Variants in SLIT2 observed in about 807,000 individuals in gnomAD.
SLIT2 encodes the protein slit homolog 2 protein.
Under a neutral mutation model 185.7 loss-of-function variants are expected in SLIT2, and 41 were observed. That is an observed-to-expected ratio of 0.22 (90% CI 0.17 to 0.29). The LOEUF is 0.29. SLIT2 is among the 10% of genes least tolerant of loss of function. The pLI, the probability that SLIT2 is intolerant of heterozygous loss-of-function variation, is 1.00. For missense variants in SLIT2, 1,571 were observed against 1,909.0 expected (o/e 0.82, Z 3.30); for synonymous variants, 693 against 680.2 (o/e 1.02, Z -0.29).
In SLIT2 at chr4:20,568,896, A is replaced by C. The variant is rs1725324099; in HGVS notation, c.2980A>C (p.Asn994His). The change falls in exon 29 of 37, where the codon AAT (asparagine) becomes CAT (histidine). Residue 994 changes from asparagine to histidine, a missense_variant. Around this residue, in one of 3 missense-constraint regions of SLIT2, gnomAD observed 1,202 missense variants for 1,416.4 expected, o/e 0.85. Transcript: ENST00000504154. ...TTGTGCTGATGGATTTGAAGGAGAA[A>C]ATTGTGAAGTCAACGTTGATGATTG... ...CICADGFEGE[N>H]CEVNVDDCED... The C allele has an allele frequency of 6.2e-7, 1 of 1,612,264 alleles. No homozygotes were observed. The highest frequency in any genetic ancestry group is 8.5e-7 in the Non-Finnish European group (1 of 1,178,766).
intron 6 of SLIT2, among the ~76,000 whole-genome samples, chr4:20,485,454 G>A (rs1298992789): frequency 1.3e-5 from 2 of 152,112 alleles, no homozygotes; most frequent in Non-Finnish European, 2.9e-5. Flanking sequence ...TGGGGGAAAA[G>A]TAAGGATGTT....
chr4:20,387,570 T>C (rs1560377804), intron 4 of SLIT2, among the ~76,000 whole-genome samples: 1 of 152,106 alleles, frequency 6.6e-6, no homozygotes, highest in Non-Finnish European at 1.5e-5. Flanking sequence ...ATTAGAAAGC[T>C]AATGGAGAAA....
At chr4:20,477,464 G>T (rs1052244241) in intron 5 of SLIT2, among the ~76,000 whole-genome samples, 10 of 152,164 alleles carry the variant, frequency 6.6e-5, no homozygotes, top group African/African-American at 1.9e-4. Context: ...CTCCCAAGGT[G>T]CTGGGATTAC....
chr4:20,456,889 C>T (rs937390502), intron 4 of SLIT2, among the ~76,000 whole-genome samples: 1 of 152,040 alleles, frequency 6.6e-6, no homozygotes, highest in African/African-American at 2.4e-5. Context: ...TTTATATTAA[C>T]TTACATTAAC....
rs1250699111 is a variant in SLIT2 at position 20,254,028 on chromosome 4, A to C, written c.179+34A>C. The C allele has an allele frequency of 1.3e-6, 2 of 1,577,618 alleles. No individual in the cohort carries two copies. The highest frequency in any genetic ancestry group is 1.7e-6 in the Non-Finnish European group (2 of 1,163,614). On this transcript the variant is annotated intron_variant, in intron 1 of 36. Transcript: ENST00000504154. The surrounding 1 kb of genome is among the most constrained non-coding windows in gnomAD (Gnocchi z 5.1). ...GCGCTCTTCGTCTTCCCCTCTCCCC[A>C]TCCGGGCCGCGCACCCCTGCCTCCA...
At chr4:20,513,639 T>C (rs1577827547) in intron 11 of SLIT2, among the ~76,000 whole-genome samples, 1 of 152,216 alleles carries the variant, frequency 6.6e-6, no homozygotes, top group East Asian at 1.9e-4. Context: ...ATGTATAGTA[T>C]ACATAAAATT....
In SLIT2 at chr4:20,617,662, C is replaced by T; in HGVS notation, c.4348+12C>T. 1 of 1,597,928 alleles carries T rather than the reference C, an allele frequency of 6.3e-7. No individual in the cohort carries two copies. Among genetic ancestry groups the T allele is most frequent in the African/African-American group, 1.3e-5 (1 of 74,622 alleles). On this transcript the variant is annotated intron_variant, in intron 36 of 36. Transcript: ENST00000504154. ...CAGCTGTGATCGAGGTAAGCCAGCC[C>T]CACTGGGCACCTCATTCTCTTGGCA...
chr4:20,342,506 AC>A (rs1553883084), intron 4 of SLIT2, among the ~76,000 whole-genome samples: 2 of 152,044 alleles, frequency 1.3e-5, no homozygotes, highest in South Asian at 2.1e-4. Context: ...AATTTGACTC[AC>A]GCTATTTCTA....
chr4:20,329,301 A>G (rs917114173), intron 4 of SLIT2, among the ~76,000 whole-genome samples: 10 of 152,082 alleles, frequency 6.6e-5, no homozygotes, highest in Admixed American at 3.9e-4. Flanking sequence ...TTATAACTTA[A>G]TTATTATAAT....
chr4:20,354,790 A>G (rs1722167963), intron 4 of SLIT2, among the ~76,000 whole-genome samples: 1 of 151,928 alleles, frequency 6.6e-6, no homozygotes, highest in Non-Finnish European at 1.5e-5. Context: ...ATATATTGTC[A>G]CCATCTGCTG....
intron 9 of SLIT2, among the ~76,000 whole-genome samples, chr4:20,494,666 C>T (rs1718069354): frequency 6.6e-6 from 1 of 151,742 alleles, no homozygotes; most frequent in Non-Finnish European, 1.5e-5. Flanking sequence ...GTAGTCTCAT[C>T]TACTCGGGAG....
At chr4:20,315,347 G>A (rs952253408) in intron 4 of SLIT2, among the ~76,000 whole-genome samples, 1 of 152,070 alleles carries the variant, frequency 6.6e-6, no homozygotes, top group African/African-American at 2.4e-5. Flanking sequence ...AAAGTACACA[G>A]CATTAGGTAG....
chr4:20,567,095 A>G (rs1352527636), intron 26 of SLIT2, among the ~76,000 whole-genome samples, 167 bp from the exon 27 acceptor site: 4 of 152,046 alleles, frequency 2.6e-5, no homozygotes, highest in Admixed American at 2.6e-4. Context: ...GCATTCTTGA[A>G]CATCATCGGA....
intron 4 of SLIT2, among the ~76,000 whole-genome samples, chr4:20,441,076 TC>T (rs1211824400): frequency 6.6e-6 from 1 of 151,936 alleles, no homozygotes; most frequent in Non-Finnish European, 1.5e-5. Flanking sequence ...AAAAAAAAAT[TC>T]CTTCATAAAC....
At chr4:20,569,188 C>T in intron 29 of SLIT2, 184 bp downstream of exon 29, 2 of 587,178 alleles carry the variant, frequency 3.4e-6, no homozygotes, top group South Asian at 2.0e-5. Flanking sequence ...AATAAAAGAC[C>T]CAGGAATCTC....
intron 34 of SLIT2, 130 bp from the exon 35 acceptor site, chr4:20,616,780 C>A: frequency 1.0e-6 from 1 of 969,210 alleles, no homozygotes. Context: ...CACTTCACTT[C>A]CCTACCACCC....
intron 4 of SLIT2, among the ~76,000 whole-genome samples, chr4:20,294,834 G>T (rs1716309503): frequency 6.6e-6 from 1 of 152,130 alleles, no homozygotes; most frequent in South Asian, 2.1e-4. Flanking sequence ...CATCATAATA[G>T]CAACATGGGC....
At chr4:20,349,848 T>C (rs1014098218) in intron 4 of SLIT2, among the ~76,000 whole-genome samples, 5 of 152,160 alleles carry the variant, frequency 3.3e-5, no homozygotes, top group African/African-American at 1.2e-4. Flanking sequence ...CCTATAGTGC[T>C]CTAGGCATGC....
intron 29 of SLIT2, among the ~76,000 whole-genome samples, chr4:20,570,209 C>G (rs1366564259): frequency 6.6e-6 from 1 of 151,882 alleles, no homozygotes; most frequent in Non-Finnish European, 1.5e-5. Flanking sequence ...ATTAAGTTTC[C>G]AGTAGAAATT....
Sources: allele counts gnomAD v4.1 joint callset (sites outside exome capture counted in the v4.1 genomes callset), GRCh38; gene constraint gnomAD v4.1.1; regional missense constraint gnomAD v4.1.1; non-coding constraint Gnocchi (gnomAD v3.1); transcripts MANE v1.5; gene names NCBI Gene and HGNC (gene_info 2026-07-23, HGNC 2026-07-21).